Variants in CSNK1E observed in about 807,000 individuals in gnomAD.
The protein encoded by CSNK1E is casein kinase I isoform epsilon.
A neutral mutation model predicts 46.1 loss-of-function variants in CSNK1E; 17 were observed. That is an observed-to-expected ratio of 0.37 (90% CI 0.25 to 0.55). The LOEUF is 0.55. CSNK1E is among the 20% of genes least tolerant of loss of function. CSNK1E has a pLI of 0.82. For missense variants in CSNK1E, 386 were observed against 595.4 expected (o/e 0.65, Z 3.66); for synonymous variants, 241 against 242.6 (o/e 0.99, Z 0.06).
chr22:38,316,225 C>T (rs938550567), intron 1 of CSNK1E, among the ~76,000 whole-genome samples: 1 of 152,178 alleles, frequency 6.6e-6, no homozygotes, highest in Non-Finnish European at 1.5e-5. Context: ...TTCTTACTCC[C>T]CGAACACCAT....
Position 38,294,298 on chromosome 22 carries a change from C to T in CSNK1E, c.1078+44G>A. ...CTCAGAGTAGGCACAAACAGAGCCC[C>T]CCACCCACCCTGAACCCAGCCCACT... On this transcript the variant is annotated intron_variant, in intron 8 of 10. Transcript: ENST00000396832. The surrounding 1 kb of genome is among the most constrained non-coding windows in gnomAD (Gnocchi z 5.5). 1 of 1,597,538 alleles carries T rather than the reference C, an allele frequency of 6.3e-7. No homozygotes were observed.
intron 2 of CSNK1E, among the ~76,000 whole-genome samples, chr22:38,305,322 G>A (rs765884513): frequency 3.3e-5 from 5 of 151,254 alleles, no homozygotes; most frequent in Non-Finnish European, 7.4e-5. Context: ...TCCACTCAAC[G>A]TTTAATAAGA....
At chr22:38,293,917 T>C in intron 9 of CSNK1E, 192 bp downstream of exon 9, 2 of 652,312 alleles carry the variant, frequency 3.1e-6, no homozygotes, top group East Asian at 2.8e-5. Flanking sequence ...CCTTGGTGAA[T>C]GACTTTGCTC....
chr22:38,308,164 T>C (rs1260692081), intron 2 of CSNK1E, among the ~76,000 whole-genome samples: 1 of 152,256 alleles, frequency 6.6e-6, no homozygotes, highest in African/African-American at 2.4e-5. Context: ...AACGTGATTT[T>C]TTGTGACTGG....
intron 7 of CSNK1E, chr22:38,296,816 G>C: frequency 8.9e-7 from 1 of 1,125,300 alleles, no homozygotes; most frequent in Non-Finnish European, 1.3e-6. Context: ...CGGATGTGGT[G>C]GCCACTGGAG....
chr22:38,297,703 T>A, intron 7 of CSNK1E: 1 of 994,750 alleles, frequency 1.0e-6, no homozygotes, highest in Non-Finnish European at 1.2e-6. Flanking sequence ...CCAGGCCCCT[T>A]GTGGGCAGTG....
chr22:38,293,345 GGGGAGGGAGAGAGA>G, intron 9 of CSNK1E, 26 bp from the exon 10 acceptor site: 2 of 1,483,288 alleles, frequency 1.3e-6, no homozygotes, highest in Non-Finnish European at 1.9e-6. Context: ...AGGGAGAGAG[GGGGAGGGAGAGAGA>G]GGGAGGTACA....
chr22:38,293,378 G>T, intron 9 of CSNK1E, 59 bp from the exon 10 acceptor site: 1 of 1,104,992 alleles, frequency 9.0e-7, no homozygotes, highest in Non-Finnish European at 1.4e-6. Context: ...CAAGCTTCAA[G>T]TCAAGTCCCT....
In CSNK1E at chr22:38,303,325, C is replaced by T; in HGVS notation, c.77-77G>A. On this transcript the variant is annotated intron_variant, in intron 2 of 10. Coordinates refer to ENST00000396832, the MANE Select transcript of CSNK1E (RefSeq NM_152221.3). The surrounding 1 kb of genome is among the most constrained non-coding windows in gnomAD (Gnocchi z 4.7). ...GTCCCAGGCGCCCCACTAAGCATTT[C>T]TGAGATCTGGCGTGTGCCGGGCCCG... 1 of 1,291,008 alleles carries T rather than the reference C, an allele frequency of 7.7e-7. No individual in the cohort carries two copies. The highest frequency in any genetic ancestry group is 1.1e-6 in the Non-Finnish European group (1 of 936,096). 80.0% of individuals were successfully genotyped at this position (1,291,008 alleles called of 1,614,324 possible).
Position 38,300,011 on chromosome 22 carries a change from T to A in CSNK1E, c.620A>T (p.Asn207Ile), listed in dbSNP as rs1191826711. 6.2e-7 allele frequency: 1 copy of A among 1,614,148 alleles called. No homozygotes were observed. Among genetic ancestry groups the A allele is most frequent in the Non-Finnish European group, 8.5e-7 (1 of 1,180,024 alleles). ...CCCCTGCCAGGGCAGGGAGCCCAGGTTGAAGTACATGAGCACGTAGCCCAG... is the reference window on the plus strand; with the variant it reads ...CCCCTGCCAGGGCAGGGAGCCCAGGATGAAGTACATGAGCACGTAGCCCAG... ...ESLGYVLMYF[N>I]LGSLPWQGLK... is the part of the protein sequence containing the mutation. Residue 207 changes from asparagine (N) to isoleucine (I), a missense_variant, in exon 6 of 11, where the codon AAC (asparagine) becomes ATC (isoleucine). Physicochemically the swap from Asn to Ile is moderately radical, Grantham distance 149 (BLOSUM62 -3). Around this residue, in one of 2 missense-constraint regions of CSNK1E, gnomAD observed 212 missense variants for 410.2 expected, o/e 0.52. Transcript: ENST00000396832. This position sits in a 1 kb window ranked among gnomAD's most constrained non-coding sequence, Gnocchi z 4.4.
Position 38,294,449 on chromosome 22 carries a change from G to T in CSNK1E, c.971C>A (p.Ala324Glu). The change falls in exon 8 of 11, where the codon GCG becomes GAG. Residue 324 changes from alanine (A) to glutamate (E), a missense_variant. Ala to Glu is a moderately radical substitution (Grantham distance 107). Around this residue, in one of 2 missense-constraint regions of CSNK1E, gnomAD observed 174 missense variants for 185.2 expected, o/e 0.94. Transcript: ENST00000396832. The surrounding 1 kb of genome is among the most constrained non-coding windows in gnomAD (Gnocchi z 5.5). Reference protein sequence around the residue: ...EERMGQLRGSATRALPPGPPT... With the variant: ...EERMGQLRGSETRALPPGPPT... ...TGGGCCAGGGGGCAGGGCTCGGGTC[G>T]CGGACCCCCGTAGCTGCCCCATCCT... The T allele has an allele frequency of 1.3e-6, 2 of 1,574,710 alleles. No individual in the cohort carries two copies. Among genetic ancestry groups the T allele is most frequent in the Non-Finnish European group, 8.6e-7 (1 of 1,162,562 alleles).
chr22:38,307,578 G>A (rs930370416), intron 2 of CSNK1E, among the ~76,000 whole-genome samples: 2 of 152,202 alleles, frequency 1.3e-5, no homozygotes, highest in African/African-American at 2.4e-5. Flanking sequence ...CAGAGGATGC[G>A]CGTAGCTTAT....
chr22:38,297,819 T>A, intron 7 of CSNK1E: 2 of 1,004,938 alleles, frequency 2.0e-6, no homozygotes, highest in South Asian at 7.8e-5. Context: ...CAGGGGGTCA[T>A]CCCATCCTCC....
In CSNK1E at chr22:38,291,338, C is replaced by CCACACACACACACACA. The variant is rs71324902; in HGVS notation, c.*617_*632dup. 6.8e-6 allele frequency: 1 copy of CCACACACACACACACA among 147,930 alleles called. No individual in the cohort carries two copies. Among genetic ancestry groups the CCACACACACACACACA allele is most frequent in the African/African-American group, 2.5e-5 (1 of 40,096 alleles). The allele number at this position is 147,930 out of a possible 1,614,324, so 9.2% of individuals were successfully genotyped here. A position where few individuals can be genotyped will look rare whatever the true frequency, so the allele number is the denominator to read the frequency against. On this transcript the variant is annotated 3_prime_UTR_variant, in exon 11 of 11. Coordinates refer to ENST00000396832, the MANE Select transcript of CSNK1E (RefSeq NM_152221.3). ...TCTTGGGAAACACAGGTCAATACAT[C>CCACACACACACACACA]CACACACACACACACACACACACAC...
chr22:38,294,026 A>G lies in CSNK1E; in HGVS notation c.1218+83T>C. 6.7e-7 allele frequency: 1 copy of G among 1,493,232 alleles called. No homozygotes were observed. The highest frequency in any genetic ancestry group is 9.0e-7 in the Non-Finnish European group (1 of 1,107,312). 92.5% of individuals were successfully genotyped at this position (1,493,232 alleles called of 1,614,324 possible). A position where few individuals can be genotyped will look rare whatever the true frequency, so the allele number is the denominator to read the frequency against. On this transcript the variant is annotated intron_variant, in intron 9 of 10. Coordinates refer to ENST00000396832, the MANE Select transcript of CSNK1E (RefSeq NM_152221.3). This position sits in a 1 kb window ranked among gnomAD's most constrained non-coding sequence, Gnocchi z 5.5. ...CAAGCAGCGTCGATGGAAAGGGAAG[A>G]ACAGAGCCACGGCCTGACCTCCCAC...
chr22:38,314,019 CT>C, intron 2 of CSNK1E, 62 bp downstream of exon 2: 1 of 1,450,992 alleles, frequency 6.9e-7, no homozygotes, highest in East Asian at 2.3e-5. Context: ...ATCCTGGGGT[CT>C]TTCCTCCTCT....
At position 38,298,303 on chromosome 22, in the gene CSNK1E, G is replaced by T; in HGVS notation, c.885+483C>A. 1.1e-6 allele frequency: 1 copy of T among 908,332 alleles called. No individual in the cohort carries two copies. The highest frequency in any genetic ancestry group is 1.7e-5 in the African/African-American group (1 of 57,460). The allele number at this position is 908,332 out of a possible 1,614,324, so 56.3% of individuals were successfully genotyped here. On this transcript the variant is annotated intron_variant, in intron 7 of 10. Coordinates refer to ENST00000396832, the MANE Select transcript of CSNK1E (RefSeq NM_152221.3). The surrounding 1 kb of genome is among the most constrained non-coding windows in gnomAD (Gnocchi z 4.2). ...TGCTCCCCACCCAACCCCACCCCTG[G>T]GACTCTTAAAAGAGGGAAACAGAAC...
chr22:38,304,630 G>A (rs1191234527), intron 2 of CSNK1E, among the ~76,000 whole-genome samples: 1 of 152,186 alleles, frequency 6.6e-6, no homozygotes, highest in East Asian at 1.9e-4. Context: ...CGGCAGTGAA[G>A]AGGAAAGGAT....
chr22:38,306,607 T>C (rs7290353), intron 2 of CSNK1E, among the ~76,000 whole-genome samples: 6,682 of 152,242 alleles, frequency 0.044, 445 homozygotes, highest in African/African-American at 0.14. Flanking sequence ...GGCGCACGCC[T>C]GTAATCCCAG....
Sources: allele counts gnomAD v4.1 joint callset (sites outside exome capture counted in the v4.1 genomes callset), GRCh38; gene constraint gnomAD v4.1.1; regional missense constraint gnomAD v4.1.1; non-coding constraint Gnocchi (gnomAD v3.1); transcripts MANE v1.5; gene names NCBI Gene and HGNC (gene_info 2026-07-23, HGNC 2026-07-21).